Variants in UGGT2 observed in about 807,000 individuals in gnomAD.
The protein encoded by UGGT2 is UDP-glucose:glycoprotein glucosyltransferase 2.
A neutral mutation model predicts 192.1 loss-of-function variants in UGGT2; 180 were observed. That is an observed-to-expected ratio of 0.94 (90% CI 0.83 to 1.06). The LOEUF is 1.06. Among genes scored for constraint, UGGT2 ranks in the 50% least tolerant of loss-of-function variants. UGGT2 has a pLI of 0.00. For synonymous variants in UGGT2, 580 were observed against 591.0 expected, an observed-to-expected ratio of 0.98 and a Z score of 0.27; for missense variants, 1,849 against 1,795.7, an observed-to-expected ratio of 1.03 and a Z score of -0.54.
At chr13:95,924,343 C>T (rs1423234105) in intron 20 of UGGT2, among the ~76,000 whole-genome samples, 3 of 137,684 alleles carry the variant, frequency 2.2e-5, no homozygotes, top group African/African-American at 7.8e-5. Context: ...TGAGAAGAAA[C>T]AGCAGGCAAA....
At chr13:96,026,893 G>C (rs1228114069) in intron 2 of UGGT2, among the ~76,000 whole-genome samples, 3 of 151,772 alleles carry the variant, frequency 2.0e-5, no homozygotes, top group Non-Finnish European at 2.9e-5. Context: ...GGATGGTCTC[G>C]ATCTCCTGAC....
intron 1 of UGGT2, among the ~76,000 whole-genome samples, chr13:96,035,878 G>A (rs7990944): frequency 1.3e-3 from 194 of 152,314 alleles, no homozygotes; most frequent in African/African-American, 4.1e-3. Flanking sequence ...ACACCAGTCA[G>A]AATGGTGATT....
At chr13:95,899,486 CAT>C (rs1246118997) in intron 22 of UGGT2, among the ~76,000 whole-genome samples, 2 of 151,724 alleles carry the variant, frequency 1.3e-5, no homozygotes, top group African/African-American at 4.8e-5. Context: ...CAGGACAAAA[CAT>C]AGTTTTATGT....
At chr13:96,034,908 C>T (rs2052953854) in intron 1 of UGGT2, among the ~76,000 whole-genome samples, 1 of 152,200 alleles carries the variant, frequency 6.6e-6, no homozygotes, top group South Asian at 2.1e-4. Flanking sequence ...GTAACACAAG[C>T]CGAGCATAGC....
At chr13:95,964,881 C>A (rs538220941) in intron 12 of UGGT2, among the ~76,000 whole-genome samples, 25 of 150,468 alleles carry the variant, frequency 1.7e-4, no homozygotes, top group African/African-American at 5.8e-4. Context: ...CTACAATGAA[C>A]TCAAACAAAT....
intron 8 of UGGT2, among the ~76,000 whole-genome samples, chr13:95,986,996 T>C (rs1204175396): frequency 2.0e-5 from 3 of 152,150 alleles, no homozygotes; most frequent in Non-Finnish European, 2.9e-5. Context: ...GAAGAATTCA[T>C]CTTAGTATTA....
intron 38 of UGGT2, among the ~76,000 whole-genome samples, chr13:95,810,786 A>T (rs1407238782): frequency 6.6e-6 from 1 of 152,230 alleles, no homozygotes; most frequent in African/African-American, 2.4e-5. Flanking sequence ...AAATATAAAC[A>T]TTTGTACCAC....
chr13:95,984,400 C>T (rs1207449942), intron 9 of UGGT2, among the ~76,000 whole-genome samples: 1 of 152,156 alleles, frequency 6.6e-6, no homozygotes, highest in East Asian at 1.9e-4. Context: ...ATGATCACAA[C>T]TCACTGTAGT....
chr13:95,888,399 T>G (rs1274553245), intron 25 of UGGT2, among the ~76,000 whole-genome samples: 5 of 152,210 alleles, frequency 3.3e-5, no homozygotes, highest in Admixed American at 3.3e-4. Flanking sequence ...GAATAAATAC[T>G]TTCTTTTCAT....
chr13:96,036,759 C>T (rs1237498407), intron 1 of UGGT2, among the ~76,000 whole-genome samples: 1 of 152,108 alleles, frequency 6.6e-6, no homozygotes. Context: ...CTTTGAACAA[C>T]ATTTTTGTTT....
At chr13:95,931,653 G>T (rs1205418593) in intron 17 of UGGT2, among the ~76,000 whole-genome samples, 4 of 152,158 alleles carry the variant, frequency 2.6e-5, no homozygotes, top group African/African-American at 9.6e-5. Flanking sequence ...CACAGTGCTG[G>T]CCCAGCGCAC....
chr13:95,881,196 A>C (rs1189850697), intron 27 of UGGT2, among the ~76,000 whole-genome samples: 1 of 152,164 alleles, frequency 6.6e-6, no homozygotes, highest in Non-Finnish European at 1.5e-5. Context: ...ATGTCAAAAC[A>C]AAACAAAACA....
rs1274372179 is a variant in UGGT2 at position 95,972,572 on chromosome 13, ATACT to A, written c.1184+4_1184+7del. 6.3e-7 allele frequency: 1 copy of A among 1,598,682 alleles called. No homozygotes were observed. ...ATAGTTCATTTACAGCAATAATTTA[ATACT>A]TACCTAAAAGCGTCATAAACATCCA... On this transcript the variant is annotated splice_donor_5th_base_variant and intron_variant, in intron 11 of 38. Coordinates refer to ENST00000376747, the MANE Select transcript of UGGT2 (RefSeq NM_020121.4).
chr13:95,983,578 A>T (rs1009346226), intron 10 of UGGT2: 3 of 613,324 alleles, frequency 4.9e-6, no homozygotes, highest in Non-Finnish European at 9.4e-6. Context: ...ACTACCTCGG[A>T]AGAAATTCTG....
At chr13:95,823,179 A>G (rs1885674893) in intron 38 of UGGT2, among the ~76,000 whole-genome samples, 1 of 152,002 alleles carries the variant, frequency 6.6e-6, no homozygotes, top group Admixed American at 6.6e-5. Context: ...ACTTTCTTAA[A>G]TTTATTGAGA....
chr13:96,029,146 G>A (rs900259356), intron 2 of UGGT2, among the ~76,000 whole-genome samples: 11 of 151,992 alleles, frequency 7.2e-5, no homozygotes, highest in East Asian at 3.9e-4. Flanking sequence ...GTGAGACACC[G>A]TCTCAAAAAA....
intron 4 of UGGT2, among the ~76,000 whole-genome samples, chr13:96,019,014 T>C (rs2052427209): frequency 7.2e-6 from 1 of 139,798 alleles, no homozygotes; most frequent in African/African-American, 2.7e-5. Flanking sequence ...TATGCTTAAA[T>C]AAGAAAAAAA....
At chr13:95,953,755 G>A (rs762320135) in intron 12 of UGGT2, among the ~76,000 whole-genome samples, 2 of 151,918 alleles carry the variant, frequency 1.3e-5, no homozygotes, top group African/African-American at 2.4e-5. Context: ...TGAATAGGCC[G>A]TTCCACATTT....
At chr13:96,020,136 G>A (rs910347070) in intron 4 of UGGT2, among the ~76,000 whole-genome samples, 20 of 152,168 alleles carry the variant, frequency 1.3e-4, no homozygotes, top group Non-Finnish European at 1.8e-4. Context: ...GAGCAGGGAG[G>A]CTTATTGGGT....
Sources: gnomAD v4.1 joint callset for allele counts (sites outside exome capture counted in the v4.1 genomes callset) on GRCh38, gnomAD v4.1.1 for gene constraint, MANE v1.5 for transcripts, NCBI Gene and HGNC (gene_info 2026-07-23, HGNC 2026-07-21) for gene names.